Variants in LRRC9 observed in about 807,000 individuals in gnomAD.
LRRC9 encodes the protein leucine rich repeat containing 9, also known as leucine-rich repeat-containing protein 9.
LRRC9 carries 122 observed loss-of-function variants against 63.2 expected under a neutral mutation model. The observed-to-expected ratio is 1.93, with a 90% CI of 1.67 to 2.24. The LOEUF (loss-of-function observed/expected upper bound fraction) is 2.24. Among genes scored for constraint, LRRC9 ranks in the 30% most tolerant of loss-of-function variants. The pLI is 0.00. For missense variants in LRRC9, 1,071 were observed against 627.7 expected, an observed-to-expected ratio of 1.71 and a Z score of -7.55; for synonymous variants, 366 against 213.1, an observed-to-expected ratio of 1.72 and a Z score of -6.25.
rs1566778264 is a variant in LRRC9, at chr14:59,928,028, C to A, written c.48+37C>A. 1.0e-5 allele frequency: 7 copies of A among 667,050 alleles called. No homozygotes were observed. In the East Asian group the frequency reaches 1.4e-4, roughly 13 times the overall value. 41.3% of individuals were successfully genotyped at this position (667,050 alleles called of 1,614,324 possible). On this transcript the variant is annotated intron_variant, in intron 2 of 31. Transcript: ENST00000445360. The stretch of plus-strand genomic sequence containing the variant: ...TCAAATTTCTTTTAAATAACATTTG[C>A]AGTAATATAAAATGGAAAGTTTTTA...
chr14:59,989,794 A>T (rs1387652135), intron 17 of LRRC9, among the ~76,000 whole-genome samples: 1 of 152,168 alleles, frequency 6.6e-6, no homozygotes, highest in Non-Finnish European at 1.5e-5. Flanking sequence ...AAAATGAGGT[A>T]AGGTTCAGGA....
At chr14:59,974,181 C>A (rs767533344) in intron 12 of LRRC9, among the ~76,000 whole-genome samples, 2 of 152,022 alleles carry the variant, frequency 1.3e-5, no homozygotes, top group Non-Finnish European at 2.9e-5. Context: ...GATTATTAGC[C>A]CCAAAAATTA....
At chr14:59,939,953 C>T (rs1316289021) in intron 7 of LRRC9, among the ~76,000 whole-genome samples, 1 of 151,894 alleles carries the variant, frequency 6.6e-6, no homozygotes, top group East Asian at 1.9e-4. Context: ...GTACTTAAAG[C>T]TGTGGACTGG....
At chr14:59,957,932 G>A (rs1261120154) in intron 8 of LRRC9, among the ~76,000 whole-genome samples, 1 of 152,200 alleles carries the variant, frequency 6.6e-6, no homozygotes, top group Non-Finnish European at 1.5e-5. Flanking sequence ...TCCAGACCCT[G>A]TTCACTTGGG....
intron 29 of LRRC9, among the ~76,000 whole-genome samples, chr14:60,034,515 C>A (rs1015068139): frequency 7.2e-5 from 11 of 152,058 alleles, no homozygotes; most frequent in Non-Finnish European, 1.5e-4. Context: ...CTCCCCGTCC[C>A]AGACTCTGGT....
In LRRC9 at chr14:59,966,102, T is replaced by C. The variant is rs1292829446; in HGVS notation, c.1212-487T>C. Among the ~76,000 whole-genome samples the C allele has an allele frequency of 1.3e-5, 2 of 151,912 alleles. No homozygotes were observed. The highest frequency in any genetic ancestry group is 6.6e-5 in the Admixed American group (1 of 15,258). On this transcript the variant is annotated intron_variant, in intron 10 of 31. Coordinates refer to ENST00000445360, the Ensembl canonical transcript of LRRC9. The surrounding 1 kb of genome is among the most constrained non-coding windows in gnomAD (Gnocchi z 4.0). ...GCAGATGGACATACCAAGTAGGTAGTTGGATATTCAAGTCTGGGTATAACC... is the reference window on the plus strand; with the variant it reads ...GCAGATGGACATACCAAGTAGGTAGCTGGATATTCAAGTCTGGGTATAACC...
At chr14:59,961,495 G>A (rs1884348388) in intron 10 of LRRC9, among the ~76,000 whole-genome samples, 1 of 152,198 alleles carries the variant, frequency 6.6e-6, no homozygotes, top group Admixed American at 6.5e-5. Context: ...CAACATGGGA[G>A]GAGACTGTCT....
intron 8 of LRRC9, among the ~76,000 whole-genome samples, chr14:59,957,538 A>T (rs2139949593): frequency 6.6e-6 from 1 of 152,166 alleles, no homozygotes; most frequent in East Asian, 1.9e-4. Flanking sequence ...GTAACCTTTT[A>T]TCAATGTTCT....
At chr14:59,995,725 G>GTT (rs34727045) in intron 17 of LRRC9, among the ~76,000 whole-genome samples, 127 of 148,762 alleles carry the variant, frequency 8.5e-4, no homozygotes, top group Middle Eastern at 3.5e-3. Context: ...AAGAAGACAG[G>GTT]TTTTTTTTTT....
rs548166514 is a variant in LRRC9 at position 59,993,979 on chromosome 14, G to C, written c.2212-3677G>C. 7.0e-3 allele frequency among the ~76,000 whole-genome samples: 1,073 copies of C among 152,214 alleles called. 9 individuals carry two copies. The highest frequency in any genetic ancestry group is 0.024 in the African/African-American group (1,006 of 41,504). On this transcript the variant is annotated intron_variant, in intron 17 of 31. Transcript: ENST00000445360. ...CAAGCGGACCTAATAGACATCTACA[G>C]AACTCTCCACCCCAAATCAACAGAA... is the stretch of plus-strand genomic sequence containing the variant.
In LRRC9 at chr14:59,942,780, T is replaced by C. The variant is rs1420864021; in HGVS notation, c.727-1809T>C. Among the ~76,000 whole-genome samples, 3 of 151,870 alleles carry C rather than the reference T, an allele frequency of 2.0e-5. No homozygotes were observed. Among genetic ancestry groups the C allele is most frequent in the African/African-American group, 4.8e-5 (2 of 41,472 alleles). On this transcript the variant is annotated intron_variant, in intron 7 of 31. Transcript: ENST00000445360. This position sits in a 1 kb window ranked among gnomAD's most constrained non-coding sequence, Gnocchi z 5.3. ...TCCTCGCCAGCATCTCTCTCTCTCT[T>C]TTTTTTTTCTGTCTTTTTGATAATA...
chr14:59,944,557 T>A (rs903261487), intron 7 of LRRC9, 32 bp from the exon 8 acceptor site: 13 of 543,254 alleles, frequency 2.4e-5, no homozygotes, highest in African/African-American at 1.9e-5. Flanking sequence ...TTGTTTTAGC[T>A]AATTTTTTGT....
At chr14:60,007,656 T>A (rs1889922142) in intron 22 of LRRC9, among the ~76,000 whole-genome samples, 1 of 152,218 alleles carries the variant, frequency 6.6e-6, no homozygotes, top group Non-Finnish European at 1.5e-5. Flanking sequence ...CTCTAAGCCC[T>A]TACCATTAAT....
chr14:59,977,066 C>T (rs1009097968), intron 13 of LRRC9, among the ~76,000 whole-genome samples, 159 bp from the exon 14 acceptor site: 7 of 152,094 alleles, frequency 4.6e-5, no homozygotes, highest in African/African-American at 9.7e-5. Flanking sequence ...TATTTTGGAT[C>T]GAGCAATGTG....
downstream of LRRC9, among the ~76,000 whole-genome samples, chr14:60,065,847 T>C (rs140514131): frequency 5.9e-5 from 9 of 151,624 alleles, 1 homozygote; most frequent in East Asian, 1.6e-3. Flanking sequence ...CCTGGTAAGC[T>C]AGAAATTAAG....
At chr14:59,939,016 T>C (rs982351195) in intron 7 of LRRC9, among the ~76,000 whole-genome samples, 20 of 112,166 alleles carry the variant, frequency 1.8e-4, no homozygotes, top group South Asian at 6.3e-4. Flanking sequence ...TATATACACA[T>C]ATATATATAC....
chr14:60,020,831 C>T (rs1363940749), intron 26 of LRRC9, among the ~76,000 whole-genome samples: 1 of 151,810 alleles, frequency 6.6e-6, no homozygotes, highest in African/African-American at 2.4e-5. Context: ...AATATATTGG[C>T]CATTTCACTG....
chr14:59,961,537 G>A (rs548560733), intron 10 of LRRC9, among the ~76,000 whole-genome samples: 36 of 152,048 alleles, frequency 2.4e-4, no homozygotes, highest in Non-Finnish European at 3.7e-4. Context: ...TGGTCAGAGT[G>A]GAACCCACTG....
rs1401165534 is a variant in LRRC9 at position 59,962,771 on chromosome 14, T to A, written c.1211+1726T>A. Among the ~76,000 whole-genome samples, 13 of 145,484 alleles carry A rather than the reference T, an allele frequency of 8.9e-5. No homozygotes were observed. The highest frequency in any genetic ancestry group is 3.3e-4 in the African/African-American group (13 of 39,774). On this transcript the variant is annotated intron_variant, in intron 10 of 31. Coordinates refer to ENST00000445360, the Ensembl canonical transcript of LRRC9. The surrounding 1 kb of genome is among the most constrained non-coding windows in gnomAD (Gnocchi z 5.1). ...TGCAGAGGAAACTCTTTGCAACAAG[T>A]GGATTAGTGAAAAAAAAAAAAATGT...
Sources: gnomAD v4.1 joint callset for allele counts (sites outside exome capture counted in the v4.1 genomes callset) on GRCh38, gnomAD v4.1.1 for gene constraint, Gnocchi (gnomAD v3.1) non-coding constraint, MANE v1.5 for transcripts, NCBI Gene and HGNC (gene_info 2026-07-23, HGNC 2026-07-21) for gene names.